Variants in PKN2 observed in about 807,000 individuals in gnomAD.
PKN2 encodes protein kinase N2, also known as serine/threonine-protein kinase N2.
A neutral mutation model predicts 119.1 loss-of-function variants in PKN2; 38 were observed. The observed-to-expected ratio is 0.32, with a 90% CI of 0.25 to 0.42. PKN2 has a LOEUF of 0.42. PKN2 is among the 10% of genes least tolerant of loss of function. The pLI is 1.00. For synonymous variants in PKN2, 390 were observed against 384.9 expected (o/e 1.01, Z -0.15); for missense variants, 850 against 1,165.1 (o/e 0.73, Z 3.94).
At chr1:88,824,505 G>A (rs1366062479) in intron 18 of PKN2, 119 bp downstream of exon 18, 1 of 622,588 alleles carries the variant, frequency 1.6e-6, no homozygotes, top group Non-Finnish European at 2.9e-6. Flanking sequence ...TCTTCATTAA[G>A]ACATTGTAGA....
chr1:88,773,997 A>G (rs1344779027), intron 6 of PKN2, among the ~76,000 whole-genome samples: 1 of 152,200 alleles, frequency 6.6e-6, no homozygotes, highest in East Asian at 1.9e-4. Context: ...TTCTACTAGC[A>G]TCTCAGCTCA....
chr1:88,807,437 A>G lies in PKN2; in HGVS notation c.1928A>G (p.Asp643Gly). Reference protein sequence around the residue: ...LEYSGIQELEDRRSQQRFQFN... With the variant: ...LEYSGIQELEGRRSQQRFQFN... The stretch of plus-strand genomic sequence containing the variant: ...TATAGTGGTATTCAAGAACTTGAGG[A>G]CAGAAGGTAAAGAATATATACCAAA... The change falls in exon 13 of 22, where the codon GAC becomes GGC. Residue 643 changes from aspartate to glycine, a missense_variant. Asp to Gly is a moderately conservative substitution (Grantham distance 94). Around this residue, in one of 9 missense-constraint regions of PKN2, gnomAD observed 216 missense variants for 252.8 expected, o/e 0.85. Coordinates refer to ENST00000370521, the MANE Select transcript of PKN2 (RefSeq NM_006256.4). The G allele has an allele frequency of 6.2e-7, 1 of 1,610,298 alleles. No individual in the cohort carries two copies. Among genetic ancestry groups the G allele is most frequent in the Non-Finnish European group, 8.5e-7 (1 of 1,178,586 alleles).
rs1670557473 is a variant in PKN2, at chr1:88,786,007, A to C, written c.1172-97A>C. 9.2e-6 allele frequency: 6 copies of C among 655,688 alleles called. No individual in the cohort carries two copies. The South Asian group carries it at 1.3e-4, about 14-fold the overall frequency. 40.6% of individuals were successfully genotyped at this position (655,688 alleles called of 1,614,324 possible). On this transcript the variant is annotated intron_variant, in intron 7 of 21. Coordinates refer to ENST00000370521, the MANE Select transcript of PKN2 (RefSeq NM_006256.4). The stretch of plus-strand genomic sequence containing the variant: ...TTGATTATGAAAAACTTTATTTTCA[A>C]AGGGTCTTAAGACTTTTATTGCTAA...
chr1:88,798,725 G>A (rs1250205352), intron 8 of PKN2, among the ~76,000 whole-genome samples: 3 of 152,206 alleles, frequency 2.0e-5, no homozygotes, highest in Non-Finnish European at 2.9e-5. Flanking sequence ...CAGAAGGAAG[G>A]ATTAGAAGGA....
At chr1:88,807,205 T>G in intron 12 of PKN2, 108 bp from the exon 13 acceptor site, 1 of 896,186 alleles carries the variant, frequency 1.1e-6, no homozygotes, top group Non-Finnish European at 1.6e-6. Context: ...TACTTTTCAC[T>G]CCAACATTTA....
chr1:88,821,723 C>T (rs1672299200), intron 16 of PKN2, among the ~76,000 whole-genome samples: 1 of 152,298 alleles, frequency 6.6e-6, no homozygotes, highest in Admixed American at 6.5e-5. Flanking sequence ...CTCAGTGACT[C>T]CACTAGGCAA....
At chr1:88,805,074 A>G (rs373027898) in intron 10 of PKN2, among the ~76,000 whole-genome samples, 153 bp downstream of exon 10, 1 of 152,126 alleles carries the variant, frequency 6.6e-6, no homozygotes, top group Non-Finnish European at 1.5e-5. Context: ...AAATGTATCC[A>G]TAAGTGGAGA....
Position 88,813,551 on chromosome 1 carries a change from T to A in PKN2, c.2103-6T>A, listed in dbSNP as rs1671863001. 1 of 1,534,116 alleles carries A rather than the reference T, an allele frequency of 6.5e-7. No homozygotes were observed. Among genetic ancestry groups the A allele is most frequent in the South Asian group, 1.2e-5 (1 of 80,708 alleles). On this transcript the variant is annotated splice_polypyrimidine_tract_variant and splice_region_variant and intron_variant, in intron 15 of 21. Transcript: ENST00000370521. ...TCTGCTTATTTTAAAATATTTTCTTTTACAGCCTGATGTGTGAAAAAAGAA... is the reference window on the plus strand; with the variant it reads ...TCTGCTTATTTTAAAATATTTTCTTATACAGCCTGATGTGTGAAAAAAGAA...
At chr1:88,824,488 A>G in intron 18 of PKN2, 102 bp downstream of exon 18, 1 of 687,490 alleles carries the variant, frequency 1.5e-6, no homozygotes, top group Non-Finnish European at 2.6e-6. Flanking sequence ...TGTACTTTTA[A>G]CTTTATTCTT....
chr1:88,786,005 C>G, intron 7 of PKN2, 99 bp from the exon 8 acceptor site: 1 of 645,690 alleles, frequency 1.5e-6, no homozygotes, highest in Non-Finnish European at 2.7e-6. Context: ...ACTTTATTTT[C>G]AAAGGGTCTT....
At chr1:88,703,890 G>T (rs939205277) in intron 1 of PKN2, among the ~76,000 whole-genome samples, 1 of 152,008 alleles carries the variant, frequency 6.6e-6, no homozygotes, top group African/African-American at 2.4e-5. Flanking sequence ...GATAATTTTT[G>T]ATGAATATCC....
At chr1:88,804,327 T>A in intron 8 of PKN2, 64 bp from the exon 9 acceptor site, 2 of 1,227,090 alleles carry the variant, frequency 1.6e-6, no homozygotes, top group Non-Finnish European at 2.3e-6. Context: ...TGTGATATTT[T>A]ATTCAAGTGT....
chr1:88,707,626 C>T (rs1037409597), intron 1 of PKN2, among the ~76,000 whole-genome samples: 2 of 152,050 alleles, frequency 1.3e-5, no homozygotes, highest in Non-Finnish European at 1.5e-5. Context: ...AGTTGTTTTC[C>T]ATATTATAGT....
chr1:88,742,781 T>C (rs957198999), intron 2 of PKN2, among the ~76,000 whole-genome samples: 9 of 152,160 alleles, frequency 5.9e-5, no homozygotes, highest in Non-Finnish European at 1.5e-5. Context: ...GCTGTTTATT[T>C]AGAGAAATTT....
chr1:88,743,382 G>A (rs1380472971), intron 2 of PKN2, among the ~76,000 whole-genome samples: 1 of 151,932 alleles, frequency 6.6e-6, no homozygotes, highest in Admixed American at 6.6e-5. Flanking sequence ...CCCAACCCTG[G>A]CCATAGGAAC....
intron 18 of PKN2, among the ~76,000 whole-genome samples, chr1:88,827,640 T>TTCCCCCC (rs1672557007): frequency 9.7e-6 from 1 of 102,812 alleles, no homozygotes; most frequent in African/African-American, 4.2e-5. Flanking sequence ...TTCCCTTCCC[T>TTCCCCCC]CCCCTCTTCT....
intron 1 of PKN2, among the ~76,000 whole-genome samples, chr1:88,738,660 T>C (rs965202786): frequency 3.3e-5 from 5 of 152,228 alleles, no homozygotes; most frequent in African/African-American, 9.6e-5. Flanking sequence ...AAGAGTACCA[T>C]GAACAAGGAA....
chr1:88,730,230 T>G (rs1207944940), intron 1 of PKN2, among the ~76,000 whole-genome samples: 1 of 151,238 alleles, frequency 6.6e-6, no homozygotes, highest in African/African-American at 2.4e-5. Flanking sequence ...CTTAACCAAA[T>G]AGGGATTTAT....
At chr1:88,818,712 T>TATA (rs1463522269) in intron 16 of PKN2, among the ~76,000 whole-genome samples, 2 of 150,828 alleles carry the variant, frequency 1.3e-5, no homozygotes, top group South Asian at 2.1e-4. Context: ...AAAGAGCCCG[T>TATA]ATAGCCAAGA....
Sources: allele counts gnomAD v4.1 joint callset (sites outside exome capture counted in the v4.1 genomes callset), GRCh38; gene constraint gnomAD v4.1.1; regional missense constraint gnomAD v4.1.1; transcripts MANE v1.5; gene names NCBI Gene and HGNC (gene_info 2026-07-23, HGNC 2026-07-21).